Variants in MACROD1 observed in about 807,000 individuals in gnomAD.
MACROD1 encodes the protein ADP-ribose glycohydrolase MACROD1.
In MACROD1, 31 loss-of-function variants were observed where a neutral mutation model predicts 41.4. That is an observed-to-expected ratio of 0.75 (90% CI 0.56 to 1.01). The LOEUF is 1.01. Ranked by LOEUF, MACROD1 falls within the 50% of genes least tolerant of loss-of-function variation. The pLI is 0.00. For missense variants in MACROD1, 473 were observed against 460.0 expected, an observed-to-expected ratio of 1.03 and a Z score of -0.26; for synonymous variants, 252 against 203.4, an observed-to-expected ratio of 1.24 and a Z score of -2.03.
intron 3 of MACROD1, among the ~76,000 whole-genome samples, chr11:64,094,288 C>T (rs1455059308): frequency 1.3e-5 from 2 of 152,022 alleles, no homozygotes; most frequent in African/African-American, 2.4e-5. Flanking sequence ...AAAAGTTAGC[C>T]GGGCATGGTG....
Position 63,998,939 on chromosome 11 carries a change from G to A in MACROD1, c.973+16C>T, listed in dbSNP as rs1237449383. On this transcript the variant is annotated intron_variant, in intron 9 of 10. Transcript: ENST00000255681. ...CCGGGGCAGGGGCGGGCCGTGGGGC[G>A]GCGCGGGGCACGTACCCACGGGGAA... 9 of 1,569,306 alleles carry A rather than the reference G, an allele frequency of 5.7e-6. No homozygotes were observed. The highest frequency in any genetic ancestry group is 2.0e-4 in the Middle Eastern group (1 of 4,888).
At chr11:64,018,880 C>T (rs549327200) in intron 3 of MACROD1, among the ~76,000 whole-genome samples, 4 of 152,264 alleles carry the variant, frequency 2.6e-5, no homozygotes, top group South Asian at 2.1e-4. Context: ...TTGCTGAAGG[C>T]GTGGTGGCTT....
chr11:64,098,022 C>T (rs1944608223), intron 3 of MACROD1, among the ~76,000 whole-genome samples: 1 of 152,164 alleles, frequency 6.6e-6, no homozygotes, highest in African/African-American at 2.4e-5. Context: ...CCCTTCAACC[C>T]CTCACTGTAT....
chr11:64,057,811 G>A (rs759184812), intron 3 of MACROD1, among the ~76,000 whole-genome samples: 1 of 152,218 alleles, frequency 6.6e-6, no homozygotes. Context: ...GGGCATGTTC[G>A]CGGGTCCAGC....
rs77371343 is a variant in MACROD1 at position 64,132,626 on chromosome 11, G to T, written c.517+18613C>A. Among the ~76,000 whole-genome samples, 286 of 152,296 alleles carry T rather than the reference G, an allele frequency of 1.9e-3. 1 individual carries two copies. Among genetic ancestry groups the T allele is most frequent in the Non-Finnish European group, 3.0e-3 (204 of 68,006 alleles). ...TGCAGGGATGTGCTCTATTGAGCCC[G>T]CGGTCCTCAGGAAGCTGGCACAGAG... On this transcript the variant is annotated intron_variant, in intron 3 of 10. Coordinates refer to ENST00000255681, the MANE Select transcript of MACROD1 (RefSeq NM_014067.4).
intron 3 of MACROD1, among the ~76,000 whole-genome samples, chr11:64,068,302 C>A (rs1296662785): frequency 6.6e-6 from 1 of 152,256 alleles, no homozygotes; most frequent in Non-Finnish European, 1.5e-5. Context: ...CCACCCAGCA[C>A]CCGCCTGTCC....
intron 4 of MACROD1, among the ~76,000 whole-genome samples, chr11:64,008,546 G>C (rs1240861769): frequency 3.3e-5 from 5 of 152,048 alleles, no homozygotes; most frequent in African/African-American, 7.2e-5. Context: ...GCGACAGGAG[G>C]GCAGAGGAGC....
intron 3 of MACROD1, among the ~76,000 whole-genome samples, chr11:64,139,545 T>A (rs1357851970): frequency 2.0e-5 from 3 of 152,142 alleles, no homozygotes; most frequent in African/African-American, 7.2e-5. Context: ...GGTGGTGAAG[T>A]GAGATCCCTC....
intron 3 of MACROD1, among the ~76,000 whole-genome samples, chr11:64,022,470 A>G (rs1416314835): frequency 4.6e-5 from 7 of 152,158 alleles, no homozygotes; most frequent in Admixed American, 3.3e-4. Context: ...CTGGCCCCAC[A>G]GGGGGCTTAG....
intron 4 of MACROD1, among the ~76,000 whole-genome samples, chr11:64,007,205 C>G (rs189118626): frequency 6.6e-6 from 1 of 152,312 alleles, no homozygotes; most frequent in Admixed American, 6.5e-5. Flanking sequence ...TCGGGGGCGA[C>G]GTGCCACGTG....
At chr11:64,089,666 G>A (rs1259115643) in intron 3 of MACROD1, among the ~76,000 whole-genome samples, 1 of 152,238 alleles carries the variant, frequency 6.6e-6, no homozygotes, top group Non-Finnish European at 1.5e-5. Flanking sequence ...TGGAGGTGAT[G>A]CCTTGAGAGA....
intron 3 of MACROD1, among the ~76,000 whole-genome samples, chr11:64,131,427 A>G (rs1412564716): frequency 2.6e-5 from 4 of 152,144 alleles, no homozygotes; most frequent in Admixed American, 2.6e-4. Flanking sequence ...CCCAGGTTCA[A>G]GCGATTCTCC....
intron 3 of MACROD1, among the ~76,000 whole-genome samples, chr11:64,052,046 G>T (rs902637396): frequency 2.0e-5 from 3 of 151,542 alleles, no homozygotes; most frequent in Non-Finnish European, 4.4e-5. Context: ...ATCTAGGGGG[G>T]CATTTTGGGA....
At chr11:64,012,491 A>G (rs573796377) in intron 4 of MACROD1, among the ~76,000 whole-genome samples, 7 of 150,304 alleles carry the variant, frequency 4.7e-5, no homozygotes, top group African/African-American at 1.7e-4. Flanking sequence ...GCCCCTGCCT[A>G]TGGGGTTCAA....
At chr11:64,086,619 C>T (rs1435689549) in intron 3 of MACROD1, among the ~76,000 whole-genome samples, 1 of 152,154 alleles carries the variant, frequency 6.6e-6, no homozygotes, top group Non-Finnish European at 1.5e-5. Context: ...CTTTTTCCGG[C>T]CCCTGCAGCC....
At position 64,122,344 on chromosome 11, in the gene MACROD1, C is replaced by T. The variant is rs1945112347; in HGVS notation, c.517+28895G>A. 6.6e-6 allele frequency among the ~76,000 whole-genome samples: 1 copy of T among 152,212 alleles called. No individual in the cohort carries two copies. Among genetic ancestry groups the T allele is most frequent in the Non-Finnish European group, 1.5e-5 (1 of 68,038 alleles). ...GCAGGTCCGGAGCCAAGAGCAGGGG[C>T]ATTGCACCTTCCTGGCTCTGGGTGA... On this transcript the variant is annotated intron_variant, in intron 3 of 10. Coordinates refer to ENST00000255681, the MANE Select transcript of MACROD1 (RefSeq NM_014067.4). This position sits in a 1 kb window ranked among gnomAD's most constrained non-coding sequence, Gnocchi z 4.0.
chr11:64,049,933 A>AAAC (rs1318809353), intron 3 of MACROD1, among the ~76,000 whole-genome samples: 1 of 152,218 alleles, frequency 6.6e-6, no homozygotes, highest in Non-Finnish European at 1.5e-5. Context: ...GGGGGAGGCC[A>AAAC]AACCTCTCTC....
chr11:64,021,968 GCAGTGGATCTGGAGGGGTGGGT>G (rs1943162845), intron 3 of MACROD1, among the ~76,000 whole-genome samples: 1 of 81,322 alleles, frequency 1.2e-5, no homozygotes, highest in Non-Finnish European at 2.5e-5. Context: ...GTGGCGGCGG[GCAGTGGATCTGGAGGGGTGGGT>G]GGGGCCTGCT....
At chr11:64,084,192 C>G (rs1474465907) in intron 3 of MACROD1, among the ~76,000 whole-genome samples, 2 of 152,188 alleles carry the variant, frequency 1.3e-5, no homozygotes, top group Non-Finnish European at 2.9e-5. Flanking sequence ...GCTGCCTCCC[C>G]CTCCTCTCAG....
Sources: gnomAD v4.1 joint callset for allele counts (sites outside exome capture counted in the v4.1 genomes callset) on GRCh38, gnomAD v4.1.1 for gene constraint, Gnocchi (gnomAD v3.1) non-coding constraint, MANE v1.5 for transcripts, NCBI Gene and HGNC (gene_info 2026-07-23, HGNC 2026-07-21) for gene names.